MED17: variants seen among roughly 807,000 people sequenced by gnomAD.
MED17 encodes mediator complex subunit 17, also known as mediator of RNA polymerase II transcription subunit 17.
In MED17, 49 loss-of-function variants were observed where a neutral mutation model predicts 80.8. The ratio of observed to expected loss-of-function variants is 0.61; its 90% CI spans 0.48 to 0.77. The LOEUF (loss-of-function observed/expected upper bound fraction) is 0.77, where lower values mean the gene tolerates loss of function less well. Among genes scored for constraint, MED17 ranks in the 30% least tolerant of loss-of-function variants. The pLI is 0.00. For missense variants in MED17, 718 were observed against 787.0 expected (o/e 0.91, Z 1.05); for synonymous variants, 281 against 280.4 (o/e 1.00, Z -0.02).
intron 8 of MED17, chr11:93,801,149 T>C (rs1332906895): frequency 6.6e-6 from 1 of 152,212 alleles, no homozygotes. Flanking sequence ...TTGGGCAAAT[T>C]GCTTAACATT....
chr11:93,784,453 T>C lies in MED17; in HGVS notation c.-61T>C, dbSNP rs1943745455. Reference sequence around the variant, plus strand: ...CCCGGCTCTCCGCAGGGAAGCCTCCTCTTCGTACCTCGTTTTTTGGCTCGT... The same window carrying C: ...CCCGGCTCTCCGCAGGGAAGCCTCCCCTTCGTACCTCGTTTTTTGGCTCGT... On this transcript the variant is annotated 5_prime_UTR_variant, in exon 1 of 12. Coordinates refer to ENST00000251871, the MANE Select transcript of MED17 (RefSeq NM_004268.5). 1.3e-6 allele frequency: 2 copies of C among 1,547,814 alleles called. No homozygotes were observed. The highest frequency in any genetic ancestry group is 1.4e-5 in the African/African-American group (1 of 73,562).
rs1023160908 is a variant in MED17 at position 93,812,424 on chromosome 11, T to G, written c.*360T>G. 4.3e-6 allele frequency: 2 copies of G among 468,634 alleles called. No homozygotes were observed. The highest frequency in any genetic ancestry group is 3.7e-6 in the Non-Finnish European group (1 of 269,868). The allele number at this position is 468,634 out of a possible 1,614,324, so 29.0% of individuals were successfully genotyped here. On this transcript the variant is annotated 3_prime_UTR_variant, in exon 12 of 12. Coordinates refer to ENST00000251871, the MANE Select transcript of MED17 (RefSeq NM_004268.5). ...AAAAAAATCTCCAAATACCTTTTTT[T>G]CCCCCCAAATACTTTCTAAACTTTT...
At position 93,784,453 on chromosome 11, in the gene MED17, T is replaced by A; in HGVS notation, c.-61T>A. The A allele has an allele frequency of 6.5e-7, 1 of 1,547,932 alleles. No individual in the cohort carries two copies. ...CCCGGCTCTCCGCAGGGAAGCCTCCTCTTCGTACCTCGTTTTTTGGCTCGT... is the reference window on the plus strand; with the variant it reads ...CCCGGCTCTCCGCAGGGAAGCCTCCACTTCGTACCTCGTTTTTTGGCTCGT... On this transcript the variant is annotated 5_prime_UTR_variant, in exon 1 of 12. Coordinates refer to ENST00000251871, the MANE Select transcript of MED17 (RefSeq NM_004268.5).
intron 9 of MED17, among the ~76,000 whole-genome samples, chr11:93,803,999 GTATATATA>G (rs1166820708): frequency 3.3e-4 from 9 of 27,130 alleles, no homozygotes; most frequent in Admixed American, 5.9e-4. Context: ...ATATGTGTGT[GTATATATA>G]TATATATATA....
In MED17 at chr11:93,804,016, TATATATATATACACACACACATATAC is replaced by T. The variant is rs1565293273; in HGVS notation, c.1466+2046_1466+2071del. On this transcript the variant is annotated intron_variant, in intron 9 of 11. Transcript: ENST00000251871. ...ATGTGTGTGTATATATATATATATATATATATATATACACACACACATATACACACGCACACACACACACATAAAGG... is the reference window on the plus strand; with the variant it reads ...ATGTGTGTGTATATATATATATATATACACGCACACACACACACATAAAGG... Among the ~76,000 whole-genome samples the T allele has an allele frequency of 5.2e-4, 28 of 54,194 alleles. 1 individual carries two copies. The highest frequency in any genetic ancestry group is 1.8e-3 in the African/African-American group (28 of 15,722). The allele number at this position is 54,194 out of a possible 152,430, so 35.6% of individuals were successfully genotyped here. A position where few individuals can be genotyped will look rare whatever the true frequency, so the allele number is the denominator to read the frequency against.
intron 8 of MED17, 121 bp downstream of exon 8, chr11:93,797,840 G>T (rs990251104): frequency 1.7e-5 from 15 of 894,496 alleles, no homozygotes; most frequent in Non-Finnish European, 2.4e-5. Flanking sequence ...AGAGGAGGTG[G>T]TAAGAGTTTA....
chr11:93,789,105 CA>C (rs1161271534), intron 2 of MED17: 1 of 152,100 alleles, frequency 6.6e-6, no homozygotes, highest in African/African-American at 2.4e-5. Flanking sequence ...TTAAGGAAAA[CA>C]AGTGTCAAGA....
At chr11:93,795,190 C>T (rs1340322655) in intron 6 of MED17, 130 bp downstream of exon 6, 3 of 1,009,850 alleles carry the variant, frequency 3.0e-6, no homozygotes, top group Non-Finnish European at 4.7e-6. Flanking sequence ...TCCATAGTGA[C>T]AGCCAGTAAA....
At chr11:93,789,777 A>T (rs542332451) in intron 2 of MED17, 1 of 143,292 alleles carries the variant, frequency 7.0e-6, no homozygotes, top group South Asian at 2.4e-4. Context: ...CAGGCAACAT[A>T]GCAAGACCCT....
rs1943965768 is a variant in MED17 at position 93,801,838 on chromosome 11, T to C, written c.1332T>C (p.Ala444=). Reference sequence around the variant, plus strand: ...TTTAACTTCTTGTATTTAAAAGAGCTGCTGCAACCATTGACAGCTTAGCAA... The same window carrying C: ...TTTAACTTCTTGTATTTAAAAGAGCCGCTGCAACCATTGACAGCTTAGCAA... ...QAKHIFLRSR[A]AATIDSLASR... Residue 444 remains alanine (A), a synonymous_variant, in exon 9 of 12, where the codon GCT becomes GCC. Coordinates refer to ENST00000251871, the MANE Select transcript of MED17 (RefSeq NM_004268.5). 2 of 1,613,368 alleles carry C rather than the reference T, an allele frequency of 1.2e-6. No homozygotes were observed. The highest frequency in any genetic ancestry group is 4.5e-5 in the East Asian group (2 of 44,846).
intron 11 of MED17, chr11:93,811,593 T>A: frequency 2.1e-6 from 1 of 477,234 alleles, no homozygotes; most frequent in Non-Finnish European, 3.7e-6. Flanking sequence ...TAGAGGACAT[T>A]TGACATTCCT....
intron 3 of MED17, chr11:93,793,140 C>CA (rs1943858676): frequency 9.7e-5 from 1 of 10,332 alleles, no homozygotes; most frequent in Non-Finnish European, 4.6e-4. Context: ...TTTTTTGAGA[C>CA]AGAGTTTCGC....
chr11:93,799,097 A>C (rs1332057110), intron 8 of MED17, among the ~76,000 whole-genome samples: 2 of 152,084 alleles, frequency 1.3e-5, no homozygotes, highest in African/African-American at 2.4e-5. Flanking sequence ...ACACTTTAGG[A>C]GGCCAAGATG....
rs769106735 is a variant in MED17, at chr11:93,784,745, G to T, written c.232G>T (p.Asp78Tyr). The T allele has an allele frequency of 6.5e-7, 1 of 1,541,286 alleles. No homozygotes were observed. Among genetic ancestry groups the T allele is most frequent in the South Asian group, 1.2e-5 (1 of 84,254 alleles). Residue 78 changes from aspartate to tyrosine, a missense_variant, in exon 1 of 12, where the codon GAC becomes TAC. Transcript: ENST00000251871. ...GTGGCCGGGCGCCGGGTCCAGCGCA[G>T]ACCAGGACGACGAGGAAGGTAAGGC... is the stretch of plus-strand genomic sequence containing the variant. ...QEWPGAGSSADQDDEEGVVKF... is the reference protein window; with the variant it reads ...QEWPGAGSSAYQDDEEGVVKF...
chr11:93,811,981 G>A lies in MED17; in HGVS notation c.1873G>A (p.Val625Ile), dbSNP rs1178328147. ...TCATCTTCGTGGGCCATTCAAAGAA[G>A]TTCAGTGGAATAAAATGGAAGGTCG... ...WSHLRGPFKE[V>I]QWNKMEGRNF... Residue 625 changes from valine to isoleucine, a missense_variant, in exon 12 of 12, where the codon GTT becomes ATT. Physicochemically the swap from Val to Ile is conservative, Grantham distance 29 (BLOSUM62 3). Transcript: ENST00000251871. 1 of 1,614,088 alleles carries A rather than the reference G, an allele frequency of 6.2e-7. No homozygotes were observed. The highest frequency in any genetic ancestry group is 1.7e-5 in the Admixed American group (1 of 60,016).
At chr11:93,795,102 G>T (rs772426672) in intron 6 of MED17, 42 bp downstream of exon 6, 2 of 1,607,674 alleles carry the variant, frequency 1.2e-6, no homozygotes, top group Non-Finnish European at 1.7e-6. Flanking sequence ...AGGACTTTGT[G>T]TTTTGGGGGA....
chr11:93,797,283 A>T, intron 7 of MED17: 3 of 463,672 alleles, frequency 6.5e-6, no homozygotes, highest in South Asian at 4.9e-5. Flanking sequence ...CTCAAACCTT[A>T]TTAGGATGTC....
chr11:93,790,314 C>A, intron 2 of MED17: 1 of 551,302 alleles, frequency 1.8e-6, no homozygotes, highest in African/African-American at 1.9e-5. Flanking sequence ...AAGAGGGGAC[C>A]CTAACAGGCT....
chr11:93,807,600 CAGG>C lies in MED17; in HGVS notation c.1552_1554del (p.Glu518del). 6.2e-7 allele frequency: 1 copy of C among 1,612,086 alleles called. No individual in the cohort carries two copies. On this transcript the variant is annotated inframe_deletion, in exon 10 of 12. Transcript: ENST00000251871. ...TGGAAGAGTAATTACACTGTCTTAT[CAGG>C]AGCAGGAGCTACAGGATTTTCTTCT...
Sources: gnomAD v4.1 joint callset for allele counts (sites outside exome capture counted in the v4.1 genomes callset) on GRCh38, gnomAD v4.1.1 for gene constraint, MANE v1.5 for transcripts, NCBI Gene and HGNC (gene_info 2026-07-23, HGNC 2026-07-21) for gene names.